Variants in LRBA observed in about 807,000 individuals in gnomAD.
The protein encoded by LRBA is LPS responsive beige-like anchor protein, also known as lipopolysaccharide-responsive and beige-like anchor protein.
Under a neutral mutation model 330.0 loss-of-function variants are expected in LRBA, and 176 were observed. The ratio of observed to expected loss-of-function variants is 0.53; its 90% confidence interval spans 0.47 to 0.60. The LOEUF (loss-of-function observed/expected upper bound fraction) is 0.60. LRBA is among the 20% of genes least tolerant of loss of function. The pLI is 0.00. For synonymous variants in LRBA, 1,230 were observed against 1,193.0 expected (o/e 1.03, Z -0.64); for missense variants, 3,259 against 3,444.8 (o/e 0.95, Z 1.35).
chr4:150,993,533 C>A (rs1742321287), intron 2 of LRBA, among the ~76,000 whole-genome samples: 1 of 152,126 alleles, frequency 6.6e-6, no homozygotes, highest in Admixed American at 6.5e-5. Flanking sequence ...GATAAAACCT[C>A]ATTGTATTAG....
intron 37 of LRBA, among the ~76,000 whole-genome samples, chr4:150,675,800 G>C (rs1039342069): frequency 2.6e-5 from 4 of 152,150 alleles, no homozygotes; most frequent in African/African-American, 9.6e-5. Flanking sequence ...TGCTCAGTAA[G>C]TATCACCTAT....
At chr4:150,598,672 T>C (rs1190374755) in intron 38 of LRBA, among the ~76,000 whole-genome samples, 1 of 152,160 alleles carries the variant, frequency 6.6e-6, no homozygotes, top group Non-Finnish European at 1.5e-5. Flanking sequence ...GCTGTCTTCC[T>C]GATATTCATG....
At chr4:150,760,941 G>C (rs1019781897) in intron 35 of LRBA, among the ~76,000 whole-genome samples, 2 of 152,262 alleles carry the variant, frequency 1.3e-5, no homozygotes, top group Admixed American at 6.5e-5. Flanking sequence ...GAGAGATAGA[G>C]AGCAAACCTT....
At chr4:150,368,698 C>T (rs186477020) in intron 47 of LRBA, among the ~76,000 whole-genome samples, 17 of 152,276 alleles carry the variant, frequency 1.1e-4, no homozygotes, top group East Asian at 1.9e-4. Flanking sequence ...CTTGGAAAGA[C>T]AGCTCTAAAG....
At position 150,852,427 on chromosome 4, in the gene LRBA, C is replaced by G. The variant is rs1199150454; in HGVS notation, c.3283G>C (p.Glu1095Gln). Residue 1095 changes from glutamate (E) to glutamine (Q), a missense_variant, in exon 23 of 57, where the codon GAA (glutamate) becomes CAA (glutamine). By Grantham distance (29) the Glu-to-Gln change is conservative (BLOSUM62 2). Coordinates refer to ENST00000651943, the MANE Select transcript of LRBA (RefSeq NM_001364905.1). ...PSEEDASEMP[E>Q]FLDKSIVEEE... ...TCTACTATAGATTTATCCAAGAATTCTGGCATCTCTGAGGCATCCTCTTCT... is the reference window on the plus strand; with the variant it reads ...TCTACTATAGATTTATCCAAGAATTGTGGCATCTCTGAGGCATCCTCTTCT... The G allele has an allele frequency of 1.2e-6, 2 of 1,613,498 alleles. No homozygotes were observed. Among genetic ancestry groups the G allele is most frequent in the Admixed American group, 1.7e-5 (1 of 60,024 alleles).
intron 42 of LRBA, among the ~76,000 whole-genome samples, chr4:150,473,351 T>C (rs971589749): frequency 6.6e-6 from 1 of 152,202 alleles, no homozygotes. Flanking sequence ...AACTCTGTGA[T>C]AGTTAATTTT....
At chr4:150,629,951 C>A (rs939201673) in intron 37 of LRBA, among the ~76,000 whole-genome samples, 7 of 152,128 alleles carry the variant, frequency 4.6e-5, no homozygotes, top group Non-Finnish European at 7.3e-5. Context: ...GCCAGGGCAA[C>A]AAGAGCAAAA....
intron 47 of LRBA, among the ~76,000 whole-genome samples, chr4:150,369,438 A>G (rs1258280161): frequency 6.6e-6 from 1 of 152,156 alleles, no homozygotes; most frequent in Non-Finnish European, 1.5e-5. Context: ...AGGTAAATGT[A>G]CTATGTTCAG....
intron 40 of LRBA, among the ~76,000 whole-genome samples, chr4:150,492,108 C>T (rs1759028151): frequency 6.7e-6 from 1 of 149,396 alleles, no homozygotes; most frequent in Non-Finnish European, 1.5e-5. Context: ...TGTCTTTACT[C>T]ATTTTTATTT....
chr4:150,772,521 T>C (rs151107589), intron 34 of LRBA, among the ~76,000 whole-genome samples: 19 of 152,258 alleles, frequency 1.2e-4, no homozygotes, highest in African/African-American at 4.6e-4. Flanking sequence ...ACAGATAACA[T>C]TCAGTTCATA....
At chr4:150,299,737 TAGAC>T in intron 53 of LRBA, among the ~76,000 whole-genome samples, 1 of 152,092 alleles carries the variant, frequency 6.6e-6, no homozygotes, top group Non-Finnish European at 1.5e-5. Context: ...AACCCTGAGA[TAGAC>T]CTATAAAATG....
At chr4:150,495,081 AT>A (rs1759428057) in intron 40 of LRBA, among the ~76,000 whole-genome samples, 1 of 152,170 alleles carries the variant, frequency 6.6e-6, no homozygotes, top group African/African-American at 2.4e-5. Flanking sequence ...TTGCCATATT[AT>A]TCTATACATC....
At chr4:150,614,331 A>C (rs967817851) in intron 37 of LRBA, among the ~76,000 whole-genome samples, 5 of 152,244 alleles carry the variant, frequency 3.3e-5, no homozygotes, top group African/African-American at 1.2e-4. Flanking sequence ...AACTGCAGAT[A>C]AATAGAAAAT....
chr4:150,736,530 T>A (rs895287570), intron 35 of LRBA, among the ~76,000 whole-genome samples: 15 of 151,968 alleles, frequency 9.9e-5, no homozygotes, highest in African/African-American at 2.9e-4. Flanking sequence ...GAAAGATAGG[T>A]CAATGACAAC....
rs376767300 is a variant in LRBA, at chr4:150,905,948, G to A, written c.1645C>T (p.Leu549Phe). 3.2e-5 allele frequency: 51 copies of A among 1,613,492 alleles called. No homozygotes were observed. Among genetic ancestry groups the A allele is most frequent in the Non-Finnish European group, 3.9e-5 (46 of 1,179,704 alleles). Residue 549 changes from leucine to phenylalanine, a missense_variant, in exon 13 of 57, where the codon CTT becomes TTT. Transcript: ENST00000651943. ...HVSRAVLELC[L>F]AFSKYLSNLQ... ...TTACTCAGATATTTTGAAAATGCAA[G>A]GCAAAGTTCAAGTACTGCTCTGCTA...
intron 51 of LRBA, chr4:150,311,014 C>A (rs990207474): frequency 6.6e-6 from 1 of 152,144 alleles, no homozygotes; most frequent in Non-Finnish European, 1.5e-5. Flanking sequence ...TTTCTTACTC[C>A]TTATTTAAGC....
intron 40 of LRBA, among the ~76,000 whole-genome samples, chr4:150,537,885 G>A (rs1246547477): frequency 6.6e-5 from 10 of 152,056 alleles, no homozygotes; most frequent in Non-Finnish European, 1.0e-4. Context: ...AACCCAGGAG[G>A]GGGAGGTTGC....
intron 37 of LRBA, among the ~76,000 whole-genome samples, chr4:150,668,924 G>C (rs371071430): frequency 6.6e-6 from 1 of 152,070 alleles, no homozygotes; most frequent in South Asian, 2.1e-4. Context: ...CAAAGGGAGG[G>C]ATAAGGAGAG....
In LRBA at chr4:150,980,407, T is replaced by C. The variant is rs80056931; in HGVS notation, c.216+34020A>G. On this transcript the variant is annotated intron_variant, in intron 2 of 56. Coordinates refer to ENST00000651943, the MANE Select transcript of LRBA (RefSeq NM_001364905.1). The stretch of plus-strand genomic sequence containing the variant: ...AAAAACTGAAAGTCTTTCCTCTAGA[T>C]CTGGAACACAACAAAGATGCCCACT... 4.3e-3 allele frequency among the ~76,000 whole-genome samples: 657 copies of C among 152,292 alleles called. 6 individuals carry two copies. The highest frequency in any genetic ancestry group is 0.015 in the African/African-American group (629 of 41,552).
Sources: gnomAD v4.1 joint callset for allele counts (sites outside exome capture counted in the v4.1 genomes callset) on GRCh38, gnomAD v4.1.1 for gene constraint, MANE v1.5 for transcripts, NCBI Gene and HGNC (gene_info 2026-07-23, HGNC 2026-07-21) for gene names.